Variants in DNAH9 observed in about 807,000 individuals in gnomAD.
DNAH9 encodes the protein DNAH9 variant protein.
In DNAH9, 345 loss-of-function variants were observed where a neutral mutation model predicts 471.6. That is an observed-to-expected ratio of 0.73 (90% confidence interval 0.67 to 0.80). DNAH9 has a LOEUF of 0.80. Among genes scored for constraint, DNAH9 ranks in the 30% least tolerant of loss-of-function variants. The pLI is 0.00. For synonymous variants in DNAH9, 2,093 were observed against 2,123.6 expected, an observed-to-expected ratio of 0.99 and a Z score of 0.40; for missense variants, 5,407 against 5,609.2, an observed-to-expected ratio of 0.96 and a Z score of 1.15.
At chr17:11,943,454 G>A (rs1187527290) in intron 67 of DNAH9, among the ~76,000 whole-genome samples, 2 of 152,020 alleles carry the variant, frequency 1.3e-5, no homozygotes, top group Non-Finnish European at 1.5e-5. Flanking sequence ...CAAGGCGGGC[G>A]GATCACAAGG....
Position 11,647,129 on chromosome 17 carries a change from C to A in DNAH9, c.2028C>A (p.Tyr676Ter). The change falls in exon 12 of 69, where the codon TAC (tyrosine) becomes TAA (stop). Residue 676 changes from tyrosine (Y) to a stop codon, truncating the protein, a stop_gained. Coordinates refer to ENST00000262442, the MANE Select transcript of DNAH9 (RefSeq NM_001372.4). LOFTEE classifies it high-confidence loss of function. Reference sequence around the variant, plus strand: ...GGACAGTATCAGAGAAGTCACAGTACAATCTTTCCCAACCACTTCTAAAAC... The same window carrying A: ...GGACAGTATCAGAGAAGTCACAGTAAAATCTTTCCCAACCACTTCTAAAAC... ...WCRTVSEKSQ[Y>*]NLSQPLLKRD... 4 of 1,613,828 alleles carry A rather than the reference C, an allele frequency of 2.5e-6. No individual in the cohort carries two copies. The highest frequency in any genetic ancestry group is 2.5e-6 in the Non-Finnish European group (3 of 1,179,762).
intron 6 of DNAH9, 33 bp from the exon 7 acceptor site, chr17:11,629,384 T>G: frequency 6.3e-7 from 1 of 1,595,780 alleles, no homozygotes; most frequent in Non-Finnish European, 8.6e-7. Flanking sequence ...TTGCTGAGAA[T>G]GATTTTAACT....
At chr17:11,675,089 C>T (rs1331739393) in intron 17 of DNAH9, among the ~76,000 whole-genome samples, 1 of 152,020 alleles carries the variant, frequency 6.6e-6, no homozygotes, top group African/African-American at 2.4e-5. Context: ...TATTCTTGTC[C>T]AAGAACATGT....
chr17:11,929,844 G>A, intron 62 of DNAH9, 22 bp from the exon 63 acceptor site: 4 of 1,600,252 alleles, frequency 2.5e-6, no homozygotes, highest in Non-Finnish European at 3.4e-6. Context: ...GTATTGAGGG[G>A]GGGCTCCTTC....
chr17:11,847,042 T>C (rs1289485987), intron 49 of DNAH9, among the ~76,000 whole-genome samples: 6 of 152,188 alleles, frequency 3.9e-5, no homozygotes, highest in African/African-American at 1.4e-4. Context: ...CAACACTATG[T>C]TGAATAGGAT....
intron 61 of DNAH9, among the ~76,000 whole-genome samples, chr17:11,906,136 G>C (rs1002050578): frequency 6.6e-6 from 1 of 152,070 alleles, no homozygotes; most frequent in African/African-American, 2.4e-5. Flanking sequence ...CCCACAGTGT[G>C]GCGATTCCTC....
At chr17:11,612,159 GC>G in intron 4 of DNAH9, 1 of 504,692 alleles carries the variant, frequency 2.0e-6, no homozygotes. Context: ...AAACACTGGG[GC>G]CAGGACATAC....
rs1322286550 is a variant in DNAH9, at chr17:11,875,104, T to A, written c.10398T>A (p.Val3466=). Residue 3466 remains valine, a synonymous_variant, in exon 53 of 69, where the codon GTT becomes GTA. Transcript: ENST00000262442. ...LINCERWPLM[V]DPQLQGIKWI... ...ACTGTGAGCGCTGGCCACTCATGGT[T>A]GACCCTCAGCTACAAGGCATCAAAT... is the stretch of plus-strand genomic sequence containing the variant. 1 of 1,614,208 alleles carries A rather than the reference T, an allele frequency of 6.2e-7. No individual in the cohort carries two copies. Among genetic ancestry groups the A allele is most frequent in the East Asian group, 2.2e-5 (1 of 44,884 alleles).
At chr17:11,686,519 C>A (rs1394429519) in intron 19 of DNAH9, among the ~76,000 whole-genome samples, 2 of 152,132 alleles carry the variant, frequency 1.3e-5, no homozygotes, top group Non-Finnish European at 2.9e-5. Flanking sequence ...AATATCCTGA[C>A]AATTTGCTGT....
intron 41 of DNAH9, among the ~76,000 whole-genome samples, chr17:11,791,659 C>T (rs548488342): frequency 1.1e-4 from 16 of 152,040 alleles, no homozygotes; most frequent in Non-Finnish European, 1.5e-4. Flanking sequence ...TGCCGCGAGC[C>T]GAGATTGCAC....
At chr17:11,615,039 G>A (rs866039557) in intron 4 of DNAH9, among the ~76,000 whole-genome samples, 4 of 152,320 alleles carry the variant, frequency 2.6e-5, no homozygotes, top group African/African-American at 7.2e-5. Context: ...CTGGTTTGCT[G>A]TGGCTCGTGA....
intron 50 of DNAH9, among the ~76,000 whole-genome samples, chr17:11,863,071 G>A (rs1971917613): frequency 6.6e-6 from 1 of 152,310 alleles, no homozygotes; most frequent in East Asian, 1.9e-4. Context: ...AATAGGAGTG[G>A]TGAGAGAGGG....
At chr17:11,804,164 AAATC>A (rs1186214940) in intron 43 of DNAH9, among the ~76,000 whole-genome samples, 1 of 152,260 alleles carries the variant, frequency 6.6e-6, no homozygotes, top group Non-Finnish European at 1.5e-5. Context: ...AGAGAAGTGT[AAATC>A]TATCTGATAT....
intron 65 of DNAH9, 95 bp downstream of exon 65, chr17:11,934,166 G>C (rs1031161595): frequency 2.2e-6 from 3 of 1,358,692 alleles, no homozygotes; most frequent in Middle Eastern, 2.1e-4. Context: ...GGAAGCCTCT[G>C]CTGGGACATC....
intron 68 of DNAH9, among the ~76,000 whole-genome samples, chr17:11,963,479 A>G (rs1976416937): frequency 6.6e-6 from 1 of 152,084 alleles, no homozygotes; most frequent in African/African-American, 2.4e-5. Flanking sequence ...GGGCACAGAT[A>G]TGGGAACAAT....
In DNAH9 at chr17:11,640,370, A is replaced by G; in HGVS notation, c.1887A>G (p.Gly629=). 1 of 1,609,252 alleles carries G rather than the reference A, an allele frequency of 6.2e-7. No individual in the cohort carries two copies. The highest frequency in any genetic ancestry group is 1.3e-5 in the African/African-American group (1 of 74,936). The change falls in exon 10 of 69, where the codon GGA becomes GGG. Residue 629 remains glycine, a synonymous_variant. Coordinates refer to ENST00000262442, the MANE Select transcript of DNAH9 (RefSeq NM_001372.4). Reference sequence around the variant, plus strand: ...TCCAGGGTCCTTTCAGCAACTTTGGACGCATCACACACCCGTGAGTATTGT... The same window carrying G: ...TCCAGGGTCCTTTCAGCAACTTTGGGCGCATCACACACCCGTGAGTATTGT... ...QRIQGPFSNF[G]RITHPCMESA... is the part of the protein sequence containing the mutation.
intron 32 of DNAH9, among the ~76,000 whole-genome samples, chr17:11,749,662 C>G (rs529640893): frequency 7.9e-5 from 12 of 152,116 alleles, no homozygotes; most frequent in African/African-American, 2.6e-4. Flanking sequence ...TAGTATGAGG[C>G]AGGGTACAGA....
rs2074914036 is a variant in DNAH9, at chr17:11,713,767, C to A, written c.5553-5567C>A. Among the ~76,000 whole-genome samples the A allele has an allele frequency of 3.9e-5, 6 of 152,124 alleles. No homozygotes were observed. In the South Asian group the frequency reaches 8.3e-4, roughly 21 times the overall value. ...TCTTCCATTCTACTCATTTACTACCCTGTATTACAAATTCTAAAAGTTTTA... is the reference window on the plus strand; with the variant it reads ...TCTTCCATTCTACTCATTTACTACCATGTATTACAAATTCTAAAAGTTTTA... On this transcript the variant is annotated intron_variant, in intron 26 of 68. Transcript: ENST00000262442.
intron 27 of DNAH9, 22 bp downstream of exon 27, chr17:11,719,512 TG>T: frequency 1.4e-6 from 2 of 1,474,584 alleles, no homozygotes; most frequent in Non-Finnish European, 9.2e-7. Flanking sequence ...CCCGGCTTCC[TG>T]GGGGTGGGGG....
Sources: allele counts gnomAD v4.1 joint callset (sites outside exome capture counted in the v4.1 genomes callset), GRCh38; gene constraint gnomAD v4.1.1; transcripts MANE v1.5; gene names NCBI Gene and HGNC (gene_info 2026-07-23, HGNC 2026-07-21).